Variants in UBE2D3 observed in about 807,000 individuals in gnomAD.
UBE2D3 encodes ubiquitin conjugating enzyme E2 D3, also known as ubiquitin-conjugating enzyme E2 D3.
Under a neutral mutation model 22.8 loss-of-function variants are expected in UBE2D3, and 2 were observed. That is an observed-to-expected ratio of 0.09 (90% CI 0.04 to 0.28). The LOEUF is 0.28. UBE2D3 is among the 10% of genes least tolerant of loss of function. UBE2D3 has a pLI of 1.00. For missense variants in UBE2D3, 27 were observed against 182.5 expected (o/e 0.15, Z 4.91); for synonymous variants, 56 against 60.4 (o/e 0.93, Z 0.34).
intron 6 of UBE2D3, among the ~76,000 whole-genome samples, chr4:102,799,962 A>C (rs77088187): frequency 0.015 from 2,347 of 151,968 alleles, 60 homozygotes; most frequent in African/African-American, 0.051. Flanking sequence ...CAAGTGCTCC[A>C]CTAAATGTCT....
At position 102,810,146 on chromosome 4, in the gene UBE2D3, A is replaced by G; in HGVS notation, c.25-291T>C. The G allele has an allele frequency of 2.0e-5, 6 of 300,436 alleles. No individual in the cohort carries two copies. The South Asian group carries it at 2.9e-4, about 14-fold the overall frequency. 18.6% of individuals were successfully genotyped at this position (300,436 alleles called of 1,614,324 possible). A position where few individuals can be genotyped will look rare whatever the true frequency, so the allele number is the denominator to read the frequency against. ...AATAGCTATAATTAGATATTCTCAT[A>G]GTTTAAGAGCTTAGACCAGAGAGAG... On this transcript the variant is annotated intron_variant, in intron 2 of 7. Transcript: ENST00000453744.
At chr4:102,817,039 T>C (rs1276137827) in intron 2 of UBE2D3, among the ~76,000 whole-genome samples, 2 of 152,224 alleles carry the variant, frequency 1.3e-5, no homozygotes, top group African/African-American at 2.4e-5. Flanking sequence ...CCATTTGAGC[T>C]GGCTCTTGAT....
rs549864114 is a variant in UBE2D3, at chr4:102,820,907, C to T, written c.24+5578G>A. Among the ~76,000 whole-genome samples the T allele has an allele frequency of 4.6e-5, 7 of 152,128 alleles. No individual in the cohort carries two copies. In the East Asian group the frequency reaches 9.7e-4, roughly 21 times the overall value. On this transcript the variant is annotated intron_variant, in intron 2 of 7. Coordinates refer to ENST00000453744, the MANE Select transcript of UBE2D3 (RefSeq NM_181891.3). ...TTCACAATTGACAAACATTTAAATA[C>T]GACAAATTCAGCTATGAAAAGTTGA...
At chr4:102,827,180 G>C in intron 1 of UBE2D3, 6 of 986,884 alleles carry the variant, frequency 6.1e-6, no homozygotes, top group Non-Finnish European at 7.2e-6. Context: ...TCCCGCGCGC[G>C]CCCGCCCAGC....
intron 2 of UBE2D3, among the ~76,000 whole-genome samples, chr4:102,813,936 T>C (rs2110294842): frequency 6.6e-6 from 1 of 152,324 alleles, no homozygotes; most frequent in East Asian, 1.9e-4. Flanking sequence ...AGGAGAATTG[T>C]CCTGATATGC....
chr4:102,862,788 A>C (rs1732959622), intron 1 of UBE2D3, among the ~76,000 whole-genome samples: 1 of 152,178 alleles, frequency 6.6e-6, no homozygotes, highest in African/African-American at 2.4e-5. Flanking sequence ...TAACTTTTGT[A>C]GTATGTGTCT....
At chr4:102,850,628 T>A (rs1014818770) in intron 1 of UBE2D3, among the ~76,000 whole-genome samples, 1 of 152,214 alleles carries the variant, frequency 6.6e-6, no homozygotes, top group Non-Finnish European at 1.5e-5. Context: ...CGGTCAGACT[T>A]GTATCTACCT....
chr4:102,852,740 A>G (rs1431150424), intron 1 of UBE2D3, among the ~76,000 whole-genome samples: 1 of 152,214 alleles, frequency 6.6e-6, no homozygotes, highest in Non-Finnish European at 1.5e-5. Context: ...TATAGAACAG[A>G]TTCCCAAGAA....
intron 1 of UBE2D3, among the ~76,000 whole-genome samples, chr4:102,847,125 G>A (rs905782091): frequency 1.3e-5 from 2 of 152,060 alleles, no homozygotes; most frequent in African/African-American, 2.4e-5. Context: ...GTATGTCTTA[G>A]GACTCCTCTC....
intron 4 of UBE2D3, among the ~76,000 whole-genome samples, chr4:102,804,940 C>T (rs1474097623): frequency 1.3e-5 from 2 of 152,180 alleles, no homozygotes; most frequent in African/African-American, 4.8e-5. Flanking sequence ...CCACCTTGGC[C>T]TCCCAAAGTG....
chr4:102,826,462 A>C, intron 2 of UBE2D3, 23 bp downstream of exon 2: 1 of 1,611,342 alleles, frequency 6.2e-7, no homozygotes, highest in Non-Finnish European at 8.5e-7. Context: ...CTACCACCCC[A>C]TGCCCTTGTC....
At chr4:102,801,346 C>A in intron 6 of UBE2D3, 108 bp downstream of exon 6, 3 of 875,338 alleles carry the variant, frequency 3.4e-6, no homozygotes, top group African/African-American at 1.8e-5. Context: ...TTATTGCTTC[C>A]CCATCTCTTA....
chr4:102,822,957 T>C (rs563627594), intron 2 of UBE2D3, among the ~76,000 whole-genome samples: 14 of 152,198 alleles, frequency 9.2e-5, no homozygotes, highest in Admixed American at 5.9e-4. Flanking sequence ...AAAAAAGGAA[T>C]TGAAATGGTT....
intron 1 of UBE2D3, 37 bp from the exon 2 acceptor site, chr4:102,826,673 GC>G: frequency 1.3e-6 from 2 of 1,505,568 alleles, no homozygotes; most frequent in Non-Finnish European, 1.8e-6. Flanking sequence ...ACTCGCACAG[GC>G]CCCGAAGAGC....
At chr4:102,806,835 C>T (rs570188203) in intron 4 of UBE2D3, among the ~76,000 whole-genome samples, 7 of 152,130 alleles carry the variant, frequency 4.6e-5, no homozygotes, top group Non-Finnish European at 8.8e-5. Flanking sequence ...GTACCCCACG[C>T]CCCCCTCCCC....
intron 1 of UBE2D3, among the ~76,000 whole-genome samples, chr4:102,859,444 C>T (rs1291299773): frequency 6.6e-6 from 1 of 151,928 alleles, no homozygotes; most frequent in Non-Finnish European, 1.5e-5. Context: ...AAAGGCACAT[C>T]TTACACAATG....
intron 1 of UBE2D3, among the ~76,000 whole-genome samples, chr4:102,860,466 T>G (rs1178147278): frequency 2.0e-5 from 3 of 151,676 alleles, no homozygotes. Flanking sequence ...CTTCTAACTT[T>G]GCATCTGAAG....
chr4:102,829,151 T>C (rs1445771608), upstream of UBE2D3, among the ~76,000 whole-genome samples: 1 of 152,220 alleles, frequency 6.6e-6, no homozygotes, highest in Middle Eastern at 3.2e-3. Context: ...TGGGGTTTTG[T>C]TGAAAATGCG....
At chr4:102,821,915 A>G (rs1425857121) in intron 2 of UBE2D3, among the ~76,000 whole-genome samples, 2 of 152,246 alleles carry the variant, frequency 1.3e-5, no homozygotes, top group African/African-American at 4.8e-5. Context: ...TGCTATTTAA[A>G]AAAAGAATGC....
Sources: allele counts gnomAD v4.1 joint callset (sites outside exome capture counted in the v4.1 genomes callset), GRCh38; gene constraint gnomAD v4.1.1; transcripts MANE v1.5; gene names NCBI Gene and HGNC (gene_info 2026-07-23, HGNC 2026-07-21).